Variants in KCNIP4 observed in about 807,000 individuals in gnomAD.
KCNIP4 encodes Kv channel-interacting protein 4.
In KCNIP4, 12 loss-of-function variants were observed where a neutral mutation model predicts 34.0. The observed-to-expected ratio is 0.35, with a 90% CI of 0.23 to 0.57. KCNIP4 has a LOEUF of 0.57. Among genes scored for constraint, KCNIP4 ranks in the 20% least tolerant of loss-of-function variants. The pLI is 0.83. For missense variants in KCNIP4, 238 were observed against 311.7 expected, an observed-to-expected ratio of 0.76 and a Z score of 1.78; for synonymous variants, 124 against 102.2, an observed-to-expected ratio of 1.21 and a Z score of -1.29.
intron 1 of KCNIP4, among the ~76,000 whole-genome samples, chr4:21,707,040 A>G (rs1713332831): frequency 6.6e-6 from 1 of 152,138 alleles, no homozygotes. Context: ...GTTTGCATCA[A>G]CTTTGGTTAT....
At chr4:21,073,491 C>T (rs1745172853) in intron 1 of KCNIP4, among the ~76,000 whole-genome samples, 1 of 152,096 alleles carries the variant, frequency 6.6e-6, no homozygotes, top group South Asian at 2.1e-4. Context: ...TGATTCTGTA[C>T]CTGAGACTTT....
chr4:21,818,103 C>A (rs944713193), intron 1 of KCNIP4, among the ~76,000 whole-genome samples: 4 of 152,164 alleles, frequency 2.6e-5, no homozygotes, highest in Non-Finnish European at 5.9e-5. Flanking sequence ...GAGGCTCAGG[C>A]AGGCATCATG....
intron 1 of KCNIP4, among the ~76,000 whole-genome samples, chr4:21,149,440 A>C (rs1219427661): frequency 6.6e-6 from 1 of 152,196 alleles, no homozygotes; most frequent in Non-Finnish European, 1.5e-5. Context: ...CTAGGTGAAC[A>C]GAGAAGGGTC....
At chr4:21,226,566 G>A (rs1036824231) in intron 1 of KCNIP4, among the ~76,000 whole-genome samples, 43 of 148,300 alleles carry the variant, frequency 2.9e-4, no homozygotes, top group African/African-American at 1.1e-3. Flanking sequence ...TTTGGCAAAT[G>A]TTACTTCCTA....
At chr4:21,908,138 C>T (rs1728101188) in intron 1 of KCNIP4, among the ~76,000 whole-genome samples, 1 of 152,020 alleles carries the variant, frequency 6.6e-6, no homozygotes, top group African/African-American at 2.4e-5. Flanking sequence ...CACTTTAATG[C>T]CTCTTTTCTT....
chr4:20,794,888 A>G (rs954838659), intron 3 of KCNIP4, among the ~76,000 whole-genome samples: 20 of 152,198 alleles, frequency 1.3e-4, no homozygotes, highest in Non-Finnish European at 2.4e-4. Flanking sequence ...ATGTTCTTTA[A>G]AATTTTTGAG....
rs367601728 is a variant in KCNIP4, at chr4:21,075,250, T to C, written c.62-192541A>G. On this transcript the variant is annotated intron_variant, in intron 1 of 8. Transcript: ENST00000382152. ...GTTGACAGTGGGGTGTTAAAGTCTC[T>C]CATTATTATTGTGTGGGAGTCTAAG... Among the ~76,000 whole-genome samples the C allele has an allele frequency of 3.2e-3, 482 of 152,134 alleles. 7 individuals are homozygous for C. Among genetic ancestry groups the C allele is most frequent in the African/African-American group, 0.011 (441 of 41,524 alleles).
rs1717277790 is a variant in KCNIP4, at chr4:20,822,849, G to T, written c.288+27694C>A. Among the ~76,000 whole-genome samples the T allele has an allele frequency of 1.3e-5, 2 of 152,162 alleles. 1 individual carries two copies. The highest frequency in any genetic ancestry group is 1.3e-4 in the Admixed American group (2 of 15,276). On this transcript the variant is annotated intron_variant, in intron 3 of 8. Coordinates refer to ENST00000382152, the MANE Select transcript of KCNIP4 (RefSeq NM_025221.6). ...CTTTTGAGAAGTGATTAAGTCATGA[G>T]TGGTCCACCCTCAGGAATAGGGTTA...
chr4:21,129,301 G>A (rs889944964), intron 1 of KCNIP4, among the ~76,000 whole-genome samples: 28 of 152,114 alleles, frequency 1.8e-4, no homozygotes, highest in Non-Finnish European at 1.5e-5. Context: ...CCAGTCTCCG[G>A]TATGTCTTCA....
At chr4:20,978,064 C>T (rs1055402363) in intron 1 of KCNIP4, among the ~76,000 whole-genome samples, 3 of 152,136 alleles carry the variant, frequency 2.0e-5, no homozygotes, top group Admixed American at 1.3e-4. Flanking sequence ...TTTCCAGTTA[C>T]AGAATTGAAA....
At chr4:21,364,608 T>C (rs1265321173) in intron 1 of KCNIP4, among the ~76,000 whole-genome samples, 1 of 152,120 alleles carries the variant, frequency 6.6e-6, no homozygotes, top group Non-Finnish European at 1.5e-5. Flanking sequence ...ATAGCACTTA[T>C]TTTAATGATA....
chr4:21,515,358 G>C (rs912761323), intron 1 of KCNIP4, among the ~76,000 whole-genome samples: 1 of 152,142 alleles, frequency 6.6e-6, no homozygotes, highest in African/African-American at 2.4e-5. Flanking sequence ...GGAACTTTAG[G>C]CTGAGTGAGG....
At chr4:21,066,548 TG>T (rs1744405956) in intron 1 of KCNIP4, among the ~76,000 whole-genome samples, 2 of 152,122 alleles carry the variant, frequency 1.3e-5, no homozygotes, top group South Asian at 4.1e-4. Flanking sequence ...TGGCATGTAT[TG>T]CCATGCGGCA....
At chr4:20,917,477 A>C (rs1361160537) in intron 1 of KCNIP4, among the ~76,000 whole-genome samples, 1 of 152,188 alleles carries the variant, frequency 6.6e-6, no homozygotes, top group Non-Finnish European at 1.5e-5. Context: ...AGCGAGCAAG[A>C]CCAGACGTGG....
At chr4:21,764,476 T>A (rs907790042) in intron 1 of KCNIP4, among the ~76,000 whole-genome samples, 2 of 152,074 alleles carry the variant, frequency 1.3e-5, no homozygotes, top group African/African-American at 4.8e-5. Flanking sequence ...TTGTTTTCAA[T>A]GAAATATTTA....
At position 21,412,805 on chromosome 4, in the gene KCNIP4, C is replaced by T. The variant is rs115461267; in HGVS notation, c.62-530096G>A. ...TATGTTAATTTTATATGGTGTTCTG[C>T]TACTTTTAACATGACTTTTCTCCAT... is the stretch of plus-strand genomic sequence containing the variant. On this transcript the variant is annotated intron_variant, in intron 1 of 8. Coordinates refer to ENST00000382152, the MANE Select transcript of KCNIP4 (RefSeq NM_025221.6). Among the ~76,000 whole-genome samples the T allele has an allele frequency of 9.5e-3, 1,450 of 152,224 alleles. 29 individuals carry two copies. Among genetic ancestry groups the T allele is most frequent in the African/African-American group, 0.034 (1,402 of 41,528 alleles).
chr4:21,879,834 T>A (rs567427949), intron 1 of KCNIP4, among the ~76,000 whole-genome samples: 1 of 152,094 alleles, frequency 6.6e-6, no homozygotes, highest in Admixed American at 6.6e-5. Context: ...TGGGAGGTAA[T>A]TGAATCATGG....
intron 1 of KCNIP4, among the ~76,000 whole-genome samples, chr4:21,839,305 G>A (rs780084754): frequency 2.0e-5 from 3 of 152,072 alleles, no homozygotes; most frequent in Admixed American, 6.6e-5. Context: ...TGATTTATTT[G>A]TATTAAGGTT....
At chr4:21,388,949 A>G (rs1244570559) in intron 1 of KCNIP4, among the ~76,000 whole-genome samples, 1 of 151,132 alleles carries the variant, frequency 6.6e-6, no homozygotes, top group Non-Finnish European at 1.5e-5. Flanking sequence ...TGTCATGAAC[A>G]TTCATGTGCA....
Sources: gnomAD v4.1 joint callset for allele counts (sites outside exome capture counted in the v4.1 genomes callset) on GRCh38, gnomAD v4.1.1 for gene constraint, MANE v1.5 for transcripts, NCBI Gene and HGNC (gene_info 2026-07-23, HGNC 2026-07-21) for gene names.